AMPH: variants seen among roughly 807,000 people sequenced by gnomAD.
AMPH encodes amphiphysin (Stiff-Mann syndrome with breast cancer 128kD autoantigen).
In AMPH, 49 loss-of-function variants were observed where a neutral mutation model predicts 99.1. The observed-to-expected ratio is 0.49, with a 90% CI of 0.39 to 0.63. The LOEUF (loss-of-function observed/expected upper bound fraction) is 0.63, where lower values mean the gene tolerates loss of function less well. Ranked by LOEUF, AMPH falls within the 20% of genes least tolerant of loss-of-function variation. The pLI is 0.00. For synonymous variants in AMPH, 314 were observed against 317.3 expected, an observed-to-expected ratio of 0.99 and a Z score of 0.11; for missense variants, 759 against 863.4, an observed-to-expected ratio of 0.88 and a Z score of 1.52.
chr7:38,455,219 C>T (rs2129005160), intron 11 of AMPH, among the ~76,000 whole-genome samples: 1 of 152,160 alleles, frequency 6.6e-6, no homozygotes, highest in Admixed American at 6.5e-5. Context: ...TACAGGCATG[C>T]ACCACCATGC....
intron 14 of AMPH, chr7:38,428,448 A>G (rs1785867437): frequency 4.4e-6 from 2 of 456,596 alleles, no homozygotes; most frequent in Non-Finnish European, 8.8e-6. Flanking sequence ...CTGAGCTTCT[A>G]CTTCAAGTTT....
intron 14 of AMPH, 107 bp downstream of exon 14, chr7:38,429,735 T>A: frequency 7.2e-7 from 1 of 1,384,858 alleles, no homozygotes; most frequent in South Asian, 1.3e-5. Flanking sequence ...GGTTTAAATC[T>A]ATGACTAGCA....
rs887337116 is a variant in AMPH at position 38,628,392 on chromosome 7, C to T, written c.69+2891G>A. On this transcript the variant is annotated intron_variant, in intron 1 of 20. Transcript: ENST00000356264. The stretch of plus-strand genomic sequence containing the variant: ...GCAAACCTTGGATGCAATAAGTCTT[C>T]TTCTAGGAATTTATCTAAGGAGATA... Among the ~76,000 whole-genome samples, 9 of 152,306 alleles carry T rather than the reference C, an allele frequency of 5.9e-5. No individual in the cohort carries two copies. In the South Asian group the frequency reaches 1.9e-3, roughly 32 times the overall value.
chr7:38,571,215 AT>A (rs1171030699), intron 1 of AMPH, among the ~76,000 whole-genome samples: 2 of 95,982 alleles, frequency 2.1e-5, no homozygotes, highest in East Asian at 5.8e-4. Flanking sequence ...TTATTTATAT[AT>A]TTTTATATAT....
chr7:38,429,948 A>C, intron 13 of AMPH, 83 bp from the exon 14 acceptor site: 3 of 1,291,670 alleles, frequency 2.3e-6, no homozygotes, highest in Non-Finnish European at 3.2e-6. Flanking sequence ...TCTAGAGTCA[A>C]CATTCTGCTG....
chr7:38,392,524 C>G (rs1562722735), intron 18 of AMPH: 1 of 153,872 alleles, frequency 6.5e-6, no homozygotes, highest in South Asian at 2.0e-4. Context: ...GTAGCTGGGA[C>G]TACAGACACC....
intron 1 of AMPH, among the ~76,000 whole-genome samples, chr7:38,571,454 A>T (rs544813545): frequency 7.8e-6 from 1 of 128,178 alleles, no homozygotes; most frequent in African/African-American, 3.0e-5. Flanking sequence ...ATATTTATAT[A>T]GAATATATGG....
rs752745875 is a variant in AMPH at position 38,598,582 on chromosome 7, G to A, written c.69+32701C>T. Among the ~76,000 whole-genome samples the A allele has an allele frequency of 1.3e-4, 20 of 152,094 alleles. 1 individual carries two copies. Among genetic ancestry groups the A allele is most frequent in the Non-Finnish European group, 7.3e-5 (5 of 68,036 alleles). ...CTCCCAAAGTGCTGGGATTACAGGC[G>A]TGATGCAATGTTTTAATATCTTACA... On this transcript the variant is annotated intron_variant, in intron 1 of 20. Coordinates refer to ENST00000356264, the MANE Select transcript of AMPH (RefSeq NM_001635.4).
chr7:38,560,853 C>T (rs758419790), intron 1 of AMPH, among the ~76,000 whole-genome samples: 2 of 152,174 alleles, frequency 1.3e-5, no homozygotes, highest in Non-Finnish European at 2.9e-5. Flanking sequence ...TTTCCTTGGT[C>T]TGGGGTGAGG....
chr7:38,561,924 GA>G (rs112793515), intron 1 of AMPH, among the ~76,000 whole-genome samples: 3,767 of 138,798 alleles, frequency 0.027, 49 homozygotes, highest in Non-Finnish European at 0.035. Context: ...GGACTTGTAA[GA>G]AAAAAAAAAA....
intron 1 of AMPH, among the ~76,000 whole-genome samples, chr7:38,602,531 A>G (rs183390765): frequency 1.3e-5 from 2 of 152,212 alleles, no homozygotes; most frequent in East Asian, 3.9e-4. Context: ...CCTCTGCTTC[A>G]TGGTCGCATC....
intron 11 of AMPH, among the ~76,000 whole-genome samples, chr7:38,460,665 T>TA (rs1787403646): frequency 6.6e-6 from 1 of 152,088 alleles, no homozygotes; most frequent in African/African-American, 2.4e-5. Context: ...CTCATGGAGA[T>TA]AGAGGATAGA....
intron 1 of AMPH, among the ~76,000 whole-genome samples, chr7:38,599,326 T>A (rs984623265): frequency 3.3e-5 from 5 of 152,212 alleles, no homozygotes; most frequent in Non-Finnish European, 7.3e-5. Context: ...CTCTTCTTCC[T>A]CATCCTCCTC....
chr7:38,585,111 A>G (rs1792598158), intron 1 of AMPH, among the ~76,000 whole-genome samples: 2 of 152,134 alleles, frequency 1.3e-5, no homozygotes, highest in Non-Finnish European at 2.9e-5. Flanking sequence ...CACAATTCAC[A>G]CAACTGTTTA....
At position 38,584,781 on chromosome 7, in the gene AMPH, C is replaced by T. The variant is rs528538006; in HGVS notation, c.69+46502G>A. Among the ~76,000 whole-genome samples the T allele has an allele frequency of 5.0e-4, 76 of 152,306 alleles. 2 individuals carry two copies. The highest frequency in any genetic ancestry group is 3.1e-3 in the South Asian group (15 of 4,826). On this transcript the variant is annotated intron_variant, in intron 1 of 20. Transcript: ENST00000356264. Reference sequence around the variant, plus strand: ...GCACACGGCCTGATTCCATCACTGCCTCAGCAGAGACCTGAGCAGATGGAG... The same window carrying T: ...GCACACGGCCTGATTCCATCACTGCTTCAGCAGAGACCTGAGCAGATGGAG...
rs529501653 is a variant in AMPH at position 38,585,846 on chromosome 7, TA to T, written c.69+45436del. Reference sequence around the variant, plus strand: ...TGATTACTTCTTCTGATGGGAACATTAAGTATAAATGTATGCATAGCTGTGG... The same window carrying T: ...TGATTACTTCTTCTGATGGGAACATTAGTATAAATGTATGCATAGCTGTGG... On this transcript the variant is annotated intron_variant, in intron 1 of 20. Transcript: ENST00000356264. 2.8e-3 allele frequency among the ~76,000 whole-genome samples: 432 copies of T among 152,360 alleles called. 3 individuals are homozygous for T. The highest frequency in any genetic ancestry group is 9.9e-3 in the African/African-American group (411 of 41,586).
chr7:38,464,254 C>T (rs550340912), intron 9 of AMPH, among the ~76,000 whole-genome samples: 7 of 152,150 alleles, frequency 4.6e-5, no homozygotes, highest in Non-Finnish European at 8.8e-5. Context: ...TTTTTTCATG[C>T]ACTTCATTTT....
At chr7:38,459,019 T>G (rs1787340861) in intron 11 of AMPH, among the ~76,000 whole-genome samples, 1 of 152,014 alleles carries the variant, frequency 6.6e-6, no homozygotes, top group African/African-American at 2.4e-5. Flanking sequence ...ATAAGTTCAG[T>G]AAAGTTGCAG....
At chr7:38,525,976 T>C (rs1166601037) in intron 2 of AMPH, among the ~76,000 whole-genome samples, 1 of 152,096 alleles carries the variant, frequency 6.6e-6, no homozygotes, top group Non-Finnish European at 1.5e-5. Context: ...AAGAGTGCAG[T>C]TTTTGGGTTG....
Sources: allele counts gnomAD v4.1 joint callset (sites outside exome capture counted in the v4.1 genomes callset), GRCh38; gene constraint gnomAD v4.1.1; transcripts MANE v1.5; gene names NCBI Gene and HGNC (gene_info 2026-07-23, HGNC 2026-07-21).